The following PYY variants were observed in gnomAD, a reference collection of about 807,000 sequenced individuals.
PYY encodes peptide YY.
Under a neutral mutation model 10.3 loss-of-function variants are expected in PYY, and 12 were observed. The ratio of observed to expected loss-of-function variants is 1.17; its 90% CI spans 0.75 to 1.89. The LOEUF (loss-of-function observed/expected upper bound fraction) is 1.89. Among genes scored for constraint, PYY ranks in the 40% most tolerant of loss-of-function variants. PYY has a pLI of 0.00. For missense variants in PYY, 141 were observed against 134.0 expected, an observed-to-expected ratio of 1.05 and a Z score of -0.26; for synonymous variants, 66 against 62.0, an observed-to-expected ratio of 1.06 and a Z score of -0.30.
intron 1 of PYY, among the ~76,000 whole-genome samples, chr17:43,974,173 A>T (rs769175562): frequency 6.6e-6 from 1 of 152,116 alleles, no homozygotes; most frequent in Non-Finnish European, 1.5e-5. Context: ...ACATGGGATA[A>T]AGGTTGTTTA....
chr17:43,973,808 A>ATAAT (rs1314978276), intron 1 of PYY, among the ~76,000 whole-genome samples: 2 of 152,192 alleles, frequency 1.3e-5, no homozygotes, highest in African/African-American at 4.8e-5. Flanking sequence ...AAATAAATAA[A>ATAAT]TAAGTATATA....
intron 1 of PYY, among the ~76,000 whole-genome samples, chr17:43,990,438 C>CAAAA (rs59522069): frequency 1.8e-4 from 17 of 92,642 alleles, no homozygotes; most frequent in Non-Finnish European, 2.3e-4. Flanking sequence ...GACTCCATCT[C>CAAAA]AAAAAAAAAA....
chr17:43,998,837 G>A (rs912338007), intron 1 of PYY, among the ~76,000 whole-genome samples: 3 of 152,136 alleles, frequency 2.0e-5, no homozygotes, highest in Admixed American at 6.5e-5. Flanking sequence ...GGGGAATGGC[G>A]CTCTGATTTA....
intron 1 of PYY, among the ~76,000 whole-genome samples, chr17:43,993,242 C>T (rs1028145400): frequency 7.2e-5 from 11 of 152,056 alleles, no homozygotes; most frequent in African/African-American, 2.7e-4. Flanking sequence ...GGGTGGATCA[C>T]GAGGTCAGGA....
chr17:43,994,382 C>G (rs1484511453), intron 1 of PYY, among the ~76,000 whole-genome samples: 1 of 152,126 alleles, frequency 6.6e-6, no homozygotes, highest in Non-Finnish European at 1.5e-5. Flanking sequence ...CTTTACCCTT[C>G]CCCTGCCCCA....
chr17:43,963,594 G>GAAAGAAAGAAAGAA (rs1555617115), intron 2 of PYY, among the ~76,000 whole-genome samples: 22 of 79,286 alleles, frequency 2.8e-4, no homozygotes, highest in African/African-American at 1.1e-3. Context: ...AAGAAAGAAA[G>GAAAGAAAGAAAGAA]AAAGAAAGAA....
At chr17:43,969,081 CTGGGCGATAGGG>C (rs1479597384) in intron 1 of PYY, among the ~76,000 whole-genome samples, 2 of 152,162 alleles carry the variant, frequency 1.3e-5, no homozygotes, top group Non-Finnish European at 2.9e-5. Context: ...GCACTCCAGT[CTGGGCGATAGGG>C]TGTGACTGCA....
At chr17:43,966,552 T>C (rs944349763) in intron 1 of PYY, 1 of 152,220 alleles carries the variant, frequency 6.6e-6, no homozygotes, top group African/African-American at 2.4e-5. Context: ...AAGGAAGTCA[T>C]ATGAAATCGC....
In PYY at chr17:43,987,090, C is replaced by T. The variant is rs1359629397; in HGVS notation, c.-463+17301G>A. Among the ~76,000 whole-genome samples, 1 of 152,162 alleles carries T rather than the reference C, an allele frequency of 6.6e-6. No homozygotes were observed. Among genetic ancestry groups the T allele is most frequent in the Non-Finnish European group, 1.5e-5 (1 of 68,026 alleles). On this transcript the variant is annotated intron_variant, in intron 1 of 6. Transcript: ENST00000360085. The surrounding 1 kb of genome is among the most constrained non-coding windows in gnomAD (Gnocchi z 4.0). The stretch of plus-strand genomic sequence containing the variant: ...AGATGCTAACACATTCCTCGGGCCC[C>T]TGTGTCCACCCCTCCTCTGGTGGTC...
At chr17:44,001,131 T>C (rs1219162897) in intron 1 of PYY, among the ~76,000 whole-genome samples, 1 of 152,138 alleles carries the variant, frequency 6.6e-6, no homozygotes, top group African/African-American at 2.4e-5. Flanking sequence ...TGTGGTACTG[T>C]CAAATGTCAA....
chr17:43,954,142 T>C (rs1325062206), upstream of PYY, among the ~76,000 whole-genome samples: 1 of 152,154 alleles, frequency 6.6e-6, no homozygotes, highest in Admixed American at 6.5e-5. Flanking sequence ...AGATTCGTGG[T>C]CTCACTGGAT....
chr17:43,973,728 G>C (rs999412690), intron 1 of PYY, among the ~76,000 whole-genome samples: 5 of 152,252 alleles, frequency 3.3e-5, no homozygotes, highest in African/African-American at 1.2e-4. Context: ...CGGGAAGGCA[G>C]AGATTGCAGT....
At chr17:43,957,240 G>A (rs551742816), upstream of PYY, among the ~76,000 whole-genome samples, 1 of 150,340 alleles carries the variant, frequency 6.7e-6, no homozygotes, top group East Asian at 2.0e-4. Context: ...CATTCAACAA[G>A]CACTTAAGTC....
rs1409141614 is a variant in PYY at position 43,976,150 on chromosome 17, C to T, written c.-462-9618G>A. Among the ~76,000 whole-genome samples the T allele has an allele frequency of 3.2e-5, 4 of 125,144 alleles. 1 individual carries two copies. Among genetic ancestry groups the T allele is most frequent in the African/African-American group, 1.3e-4 (4 of 31,962 alleles). The allele number at this position is 125,144 out of a possible 152,430, so 82.1% of individuals were successfully genotyped here. A position where few individuals can be genotyped will look rare whatever the true frequency, so the allele number is the denominator to read the frequency against. ...ATATGTATACATATATGTATATATA[C>T]ATATGTATACATGCATGCATATATG... On this transcript the variant is annotated intron_variant, in intron 1 of 6. Transcript: ENST00000360085.
chr17:43,998,904 G>A (rs1184228275), intron 1 of PYY, among the ~76,000 whole-genome samples: 1 of 152,168 alleles, frequency 6.6e-6, no homozygotes, highest in Non-Finnish European at 1.5e-5. Flanking sequence ...CCAAGGGGTC[G>A]AGTAGGTAGT....
intron 1 of PYY, among the ~76,000 whole-genome samples, chr17:43,982,561 G>C (rs892978836): frequency 1.3e-5 from 2 of 152,228 alleles, no homozygotes; most frequent in African/African-American, 2.4e-5. Flanking sequence ...GCCAGAGAAG[G>C]GTTTAGCTAA....
At chr17:43,960,120 T>C (rs796177623) in intron 2 of PYY, among the ~76,000 whole-genome samples, 11 of 152,342 alleles carry the variant, frequency 7.2e-5, no homozygotes, top group African/African-American at 2.6e-4. Context: ...AGCTTAAATA[T>C]CATAGATGTT....
At chr17:43,960,084 C>G (rs1623547) in intron 2 of PYY, among the ~76,000 whole-genome samples, 85,892 of 152,116 alleles carry the variant, frequency 0.56, 25,901 homozygotes, top group South Asian at 0.73. Flanking sequence ...TCATGCACCC[C>G]CCCTTAATAG....
intron 2 of PYY, among the ~76,000 whole-genome samples, chr17:43,963,748 G>A (rs1401812405): frequency 1.3e-5 from 2 of 151,898 alleles, no homozygotes; most frequent in East Asian, 1.9e-4. Flanking sequence ...TGGGTGGATC[G>A]CTTGAGCCCA....
Sources: allele counts gnomAD v4.1 joint callset (sites outside exome capture counted in the v4.1 genomes callset), GRCh38; gene constraint gnomAD v4.1.1; non-coding constraint Gnocchi (gnomAD v3.1); transcripts MANE v1.5; gene names NCBI Gene and HGNC (gene_info 2026-07-23, HGNC 2026-07-21).